Variants in AGPAT3 observed in about 807,000 individuals in gnomAD.
AGPAT3 encodes the protein 1-acylglycerol-3-phosphate O-acyltransferase 3.
AGPAT3 carries 5 observed loss-of-function variants against 47.3 expected under a neutral mutation model. That is an observed-to-expected ratio of 0.11 (90% CI 0.06 to 0.22). AGPAT3 has a LOEUF of 0.22. AGPAT3 is among the 10% of genes least tolerant of loss of function. The pLI is 1.00. For synonymous variants in AGPAT3, 212 were observed against 208.3 expected (o/e 1.02, Z -0.15); for missense variants, 315 against 493.0 (o/e 0.64, Z 3.42).
intron 3 of AGPAT3, among the ~76,000 whole-genome samples, chr21:43,964,158 G>A (rs1234704837): frequency 6.6e-6 from 1 of 151,754 alleles, no homozygotes; most frequent in African/African-American, 2.4e-5. Flanking sequence ...GCCAAGGTGG[G>A]CGGATCACCT....
chr21:43,973,013 T>C (rs2089461128), intron 7 of AGPAT3, among the ~76,000 whole-genome samples: 1 of 152,118 alleles, frequency 6.6e-6, no homozygotes, highest in Admixed American at 6.5e-5. Context: ...CATTCTAATC[T>C]CGAGAGCCTG....
At position 43,872,239 on chromosome 21, in the gene AGPAT3, G is replaced by T. The variant is rs187154235; in HGVS notation, c.-112+6894G>T. Among the ~76,000 whole-genome samples, 556 of 150,134 alleles carry T rather than the reference G, an allele frequency of 3.7e-3. 5 individuals carry two copies. The highest frequency in any genetic ancestry group is 5.4e-3 in the Non-Finnish European group (365 of 67,720). On this transcript the variant is annotated intron_variant, in intron 1 of 9. Coordinates refer to ENST00000291572, the MANE Select transcript of AGPAT3 (RefSeq NM_020132.5). ...TCTGTCACCCAGGCTGGAGTGCAGT[G>T]GCAGGATCTCAGTTCACTGCAACCT... is the stretch of plus-strand genomic sequence containing the variant.
intron 2 of AGPAT3, among the ~76,000 whole-genome samples, chr21:43,950,502 A>T (rs1043429487): frequency 2.0e-5 from 3 of 152,244 alleles, no homozygotes; most frequent in African/African-American, 7.2e-5. Flanking sequence ...TTTTAGTTGA[A>T]TGCTTAGTAG....
At chr21:43,892,180 G>A (rs1021205330) in intron 1 of AGPAT3, among the ~76,000 whole-genome samples, 3 of 151,960 alleles carry the variant, frequency 2.0e-5, no homozygotes, top group Admixed American at 6.6e-5. Context: ...GGTGGTGCAC[G>A]CCTGTAAATC....
intron 1 of AGPAT3, among the ~76,000 whole-genome samples, chr21:43,871,366 A>T (rs761677006): frequency 6.6e-6 from 1 of 152,216 alleles, no homozygotes. Context: ...TGGAAAAACA[A>T]CGTAACTCCA....
In AGPAT3 at chr21:43,985,382, C is replaced by T; in HGVS notation, c.*2990C>T. 1 of 325,378 alleles carries T rather than the reference C, an allele frequency of 3.1e-6. No individual in the cohort carries two copies. Among genetic ancestry groups the T allele is most frequent in the Middle Eastern group, 4.7e-4 (1 of 2,130 alleles). 20.2% of individuals were successfully genotyped at this position (325,378 alleles called of 1,614,324 possible). On this transcript the variant is annotated 3_prime_UTR_variant, in exon 10 of 10. Coordinates refer to ENST00000291572, the MANE Select transcript of AGPAT3 (RefSeq NM_020132.5). The stretch of plus-strand genomic sequence containing the variant: ...AAATAACACAAAACAACAATGTAAG[C>T]AGCACTTTCTTGTGTAAAAAAAAAA...
intron 7 of AGPAT3, among the ~76,000 whole-genome samples, chr21:43,972,170 A>G (rs866925350): frequency 2.0e-5 from 3 of 151,316 alleles, no homozygotes; most frequent in Middle Eastern, 6.8e-3. Flanking sequence ...TTGGAGACGG[A>G]GTTTCACCCC....
chr21:43,870,854 C>T (rs936720246), intron 1 of AGPAT3, among the ~76,000 whole-genome samples: 1 of 152,180 alleles, frequency 6.6e-6, no homozygotes, highest in Non-Finnish European at 1.5e-5. Context: ...AGTGAGAATG[C>T]AGACATGAGG....
chr21:43,884,154 G>A (rs747963634), intron 1 of AGPAT3, among the ~76,000 whole-genome samples: 9 of 152,252 alleles, frequency 5.9e-5, no homozygotes, highest in African/African-American at 1.9e-4. Context: ...CTTCCTGGAC[G>A]TTCCCAGATA....
chr21:43,928,528 C>G (rs547254920), intron 2 of AGPAT3, among the ~76,000 whole-genome samples: 1 of 152,194 alleles, frequency 6.6e-6, no homozygotes, highest in Admixed American at 6.5e-5. Context: ...TCTCCCGACC[C>G]GTAGGCTGCA....
chr21:43,975,887 C>T (rs897038999), intron 7 of AGPAT3, among the ~76,000 whole-genome samples: 3 of 152,082 alleles, frequency 2.0e-5, no homozygotes, highest in Non-Finnish European at 2.9e-5. Context: ...GATTCTCTGA[C>T]GGCCGTCGCA....
chr21:43,943,077 T>C (rs1488405743), intron 2 of AGPAT3, among the ~76,000 whole-genome samples: 1 of 152,054 alleles, frequency 6.6e-6, no homozygotes, highest in African/African-American at 2.4e-5. Context: ...TTTTTTTCTT[T>C]TTTTTGGTGG....
chr21:43,936,635 C>T (rs533322498), intron 2 of AGPAT3, among the ~76,000 whole-genome samples: 14 of 152,364 alleles, frequency 9.2e-5, no homozygotes, highest in Non-Finnish European at 1.5e-4. Context: ...CTATCACAGC[C>T]GAAAAGCTCA....
chr21:43,866,680 T>C (rs560044765), intron 1 of AGPAT3: 1 of 152,390 alleles, frequency 6.6e-6, no homozygotes, highest in East Asian at 1.9e-4. Context: ...GTCTTAAGTA[T>C]CTTCTTGAGG....
chr21:43,912,022 C>T (rs2086641857), intron 2 of AGPAT3, among the ~76,000 whole-genome samples: 1 of 152,244 alleles, frequency 6.6e-6, no homozygotes, highest in South Asian at 2.1e-4. Context: ...GGTCAGGGGT[C>T]CTGGTGGAAC....
chr21:43,907,734 A>AAC (rs2086537113), intron 2 of AGPAT3, among the ~76,000 whole-genome samples: 11 of 152,246 alleles, frequency 7.2e-5, no homozygotes, highest in African/African-American at 2.2e-4. Flanking sequence ...ACAACAACAA[A>AAC]AAAACCGTTC....
At chr21:43,910,454 TG>T (rs2086607476) in intron 2 of AGPAT3, among the ~76,000 whole-genome samples, 1 of 152,130 alleles carries the variant, frequency 6.6e-6, no homozygotes, top group African/African-American at 2.4e-5. Context: ...CTAATACAGG[TG>T]AATTAGGTGA....
At position 43,971,391 on chromosome 21, in the gene AGPAT3, C is replaced by T. The variant is rs62229686; in HGVS notation, c.668C>T (p.Ala223Val). Residue 223 changes from alanine to valine, a missense_variant, in exon 7 of 10, where the codon GCA becomes GTA. Physicochemically the swap from Ala to Val is moderately conservative, Grantham distance 64. Coordinates refer to ENST00000291572, the MANE Select transcript of AGPAT3 (RefSeq NM_020132.5). Reference sequence around the variant, plus strand: ...ACCCTCCCGTCTCCTCCCACAGTCGCAGCTGTCTATGATGTAACCCTGAAC... The same window carrying T: ...ACCCTCCCGTCTCCTCCCACAGTCGTAGCTGTCTATGATGTAACCCTGAAC... ...TAVKCLRGTVAAVYDVTLNFR... is the reference protein window; with the variant it reads ...TAVKCLRGTVVAVYDVTLNFR... 0.028 allele frequency: 45,219 copies of T among 1,613,778 alleles called. 729 individuals are homozygous for T. Among genetic ancestry groups the T allele is most frequent in the Non-Finnish European group, 0.031 (37,001 of 1,179,600 alleles).
Position 43,955,075 on chromosome 21 carries a change from G to A in AGPAT3, c.-48-4559G>A. On this transcript the variant is annotated intron_variant, in intron 2 of 9. Coordinates refer to ENST00000291572, the MANE Select transcript of AGPAT3 (RefSeq NM_020132.5). This position sits in a 1 kb window ranked among gnomAD's most constrained non-coding sequence, Gnocchi z 4.1. ...TGTGGCCCCCAAAGGCTGGGTGCCA[G>A]CTGCCTGTCGGCAGGGAGCGTATCA... 2.4e-6 allele frequency: 3 copies of A among 1,245,056 alleles called. No individual in the cohort carries two copies. The highest frequency in any genetic ancestry group is 1.5e-5 in the African/African-American group (1 of 64,588). 77.1% of individuals were successfully genotyped at this position (1,245,056 alleles called of 1,614,324 possible). A position where few individuals can be genotyped will look rare whatever the true frequency, so the allele number is the denominator to read the frequency against.
Sources: gnomAD v4.1 joint callset for allele counts (sites outside exome capture counted in the v4.1 genomes callset) on GRCh38, gnomAD v4.1.1 for gene constraint, Gnocchi (gnomAD v3.1) non-coding constraint, MANE v1.5 for transcripts, NCBI Gene and HGNC (gene_info 2026-07-23, HGNC 2026-07-21) for gene names.